Variants in GPR55 observed in about 807,000 individuals in gnomAD.
GPR55 encodes G-protein coupled receptor 55.
Under a neutral mutation model 7.9 loss-of-function variants are expected in GPR55, and 6 were observed. The observed-to-expected ratio is 0.76, with a 90% CI of 0.41 to 1.49. GPR55 has a LOEUF of 1.49. Ranked by LOEUF, GPR55 falls within the 40% of genes most tolerant of loss-of-function variation. The probability of loss-of-function intolerance (pLI) is 0.01; values close to 1 mark genes in which losing one functional copy is unlikely to be tolerated. For synonymous variants in GPR55, 183 were observed against 166.8 expected (o/e 1.10, Z -0.75); for missense variants, 376 against 406.0 (o/e 0.93, Z 0.63).
chr2:230,944,597 G>A lies in GPR55; in HGVS notation c.-135+16178C>T, dbSNP rs1167406942. Reference sequence around the variant, plus strand: ...CCCCGGAGAATGACTCAACAGTGACGTCCTACAGCATGATTTGCTTTAACT... The same window carrying A: ...CCCCGGAGAATGACTCAACAGTGACATCCTACAGCATGATTTGCTTTAACT... On this transcript the variant is annotated intron_variant, in intron 1 of 1. Transcript: ENST00000392039. This position sits in a 1 kb window ranked among gnomAD's most constrained non-coding sequence, Gnocchi z 4.2. Among the ~76,000 whole-genome samples, 9 of 152,316 alleles carry A rather than the reference G, an allele frequency of 5.9e-5. No individual in the cohort carries two copies. Among genetic ancestry groups the A allele is most frequent in the Non-Finnish European group, 1.3e-4 (9 of 68,034 alleles).
intron 1 of GPR55, among the ~76,000 whole-genome samples, chr2:230,942,517 G>A (rs1406019519): frequency 6.6e-6 from 1 of 152,234 alleles, no homozygotes. Context: ...GGTGTGGGGG[G>A]AGAGCGGCAG....
chr2:230,912,720 G>A (rs1222426992), intron 1 of GPR55, among the ~76,000 whole-genome samples: 23 of 152,240 alleles, frequency 1.5e-4, no homozygotes, highest in Admixed American at 1.4e-3. Flanking sequence ...GATTACAGGC[G>A]GGAGGCCCCG....
intron 1 of GPR55, among the ~76,000 whole-genome samples, chr2:230,912,820 C>T (rs1690624467): frequency 6.6e-6 from 1 of 152,174 alleles, no homozygotes; most frequent in Non-Finnish European, 1.5e-5. Flanking sequence ...TCCAGGCGCT[C>T]AATAAGATAT....
intron 1 of GPR55, among the ~76,000 whole-genome samples, chr2:230,947,725 C>T (rs2125068483): frequency 6.6e-6 from 1 of 152,134 alleles, no homozygotes; most frequent in East Asian, 1.9e-4. Context: ...TGGTCTCGAA[C>T]TCCTGGGCTC....
intron 1 of GPR55, among the ~76,000 whole-genome samples, chr2:230,922,303 G>A (rs902392010): frequency 2.0e-5 from 3 of 152,124 alleles, no homozygotes; most frequent in Non-Finnish European, 2.9e-5. Flanking sequence ...CTCTGCTTGG[G>A]GGTTTCCGTC....
intron 1 of GPR55, among the ~76,000 whole-genome samples, chr2:230,943,900 T>C (rs893713359): frequency 2.0e-5 from 3 of 152,244 alleles, no homozygotes; most frequent in African/African-American, 7.2e-5. Flanking sequence ...CCACACTTCA[T>C]ATAAAGTCTA....
At chr2:230,935,424 T>G (rs972499127) in intron 1 of GPR55, among the ~76,000 whole-genome samples, 1 of 152,060 alleles carries the variant, frequency 6.6e-6, no homozygotes, top group Admixed American at 6.6e-5. Flanking sequence ...GGGCCTTGAG[T>G]GAGTGACTTG....
chr2:230,910,128 C>A lies in GPR55; in HGVS notation c.835G>T (p.Val279Phe). 6.2e-7 allele frequency: 1 copy of A among 1,614,208 alleles called. No homozygotes were observed. Among genetic ancestry groups the A allele is most frequent in the South Asian group, 1.1e-5 (1 of 91,082 alleles). ...CAGAAAACATCCAGGCAGCAGTTGA[C>A]GTTGGAGAAACACATGGACAATTGC... ...FLQLSMCFSN[V>F]NCCLDVFCYY... Residue 279 changes from valine to phenylalanine, a missense_variant, in exon 2 of 2, where the codon GTC becomes TTC. Val to Phe is a conservative substitution (Grantham distance 50, BLOSUM62 -1). Coordinates refer to ENST00000650999, the MANE Select transcript of GPR55 (RefSeq NM_005683.4). This position sits in a 1 kb window ranked among gnomAD's most constrained non-coding sequence, Gnocchi z 5.4.
At chr2:230,955,548 T>C (rs1691468276) in intron 1 of GPR55, among the ~76,000 whole-genome samples, 1 of 152,240 alleles carries the variant, frequency 6.6e-6, no homozygotes, top group African/African-American at 2.4e-5. Context: ...ATTAGCAGTA[T>C]CACTACTCAA....
At chr2:230,932,815 A>G (rs552080459) in intron 1 of GPR55, among the ~76,000 whole-genome samples, 336 of 152,174 alleles carry the variant, frequency 2.2e-3, no homozygotes, top group Admixed American at 3.1e-3. Flanking sequence ...GACTGCCTCC[A>G]TCAGGGCCTC....
Position 230,910,289 on chromosome 2 carries a change from A to C in GPR55, c.674T>G (p.Ile225Ser), listed in dbSNP as rs1690555498. The part of the protein sequence containing the change: ...TQDWVQQKAC[I>S]YSIAASLAVF... ...AGCCAGGCTGGCTGCGATGCTGTAG[A>C]TGCAGGCTTTCTGCTGCACCCAGTC... Residue 225 changes from isoleucine (I) to serine (S), a missense_variant, in exon 2 of 2, where the codon ATC becomes AGC. Transcript: ENST00000650999. The surrounding 1 kb of genome is among the most constrained non-coding windows in gnomAD (Gnocchi z 5.4). 6.2e-7 allele frequency: 1 copy of C among 1,613,810 alleles called. No homozygotes were observed. The highest frequency in any genetic ancestry group is 1.7e-5 in the Admixed American group (1 of 59,998).
intron 1 of GPR55, among the ~76,000 whole-genome samples, chr2:230,946,491 A>G (rs542865141): frequency 6.6e-6 from 1 of 152,198 alleles, no homozygotes; most frequent in Non-Finnish European, 1.5e-5. Flanking sequence ...CACATATCCA[A>G]TTTTTGTCAC....
intron 1 of GPR55, among the ~76,000 whole-genome samples, chr2:230,916,780 T>C (rs768368119): frequency 1.3e-5 from 2 of 152,096 alleles, no homozygotes; most frequent in Non-Finnish European, 2.9e-5. Flanking sequence ...AAAAATATGA[T>C]GTCTACCTTC....
intron 1 of GPR55, among the ~76,000 whole-genome samples, chr2:230,958,634 A>G (rs1272487141): frequency 6.6e-6 from 1 of 152,116 alleles, no homozygotes; most frequent in Admixed American, 6.5e-5. Flanking sequence ...CCATTTTTAG[A>G]TCCTACAAGT....
At position 230,910,672 on chromosome 2, in the gene GPR55, C is replaced by T. The variant is rs1255144325; in HGVS notation, c.291G>A (p.Val97=). The change falls in exon 2 of 2, where the codon GTG becomes GTA. Residue 97 remains valine, a synonymous_variant. Transcript: ENST00000650999. This position sits in a 1 kb window ranked among gnomAD's most constrained non-coding sequence, Gnocchi z 5.4. ...ACATGCTGACGAAGTAAAGGCACTC[C>T]ACCAGGGTGCACAGGGACGGGAAGG... ...QSPFPSLCTL[V]ECLYFVSMYG... 1 of 1,612,836 alleles carries T rather than the reference C, an allele frequency of 6.2e-7. No homozygotes were observed. The highest frequency in any genetic ancestry group is 1.3e-5 in the African/African-American group (1 of 74,876).
chr2:230,956,174 T>G (rs1300049274), intron 1 of GPR55, among the ~76,000 whole-genome samples: 1 of 151,706 alleles, frequency 6.6e-6, no homozygotes, highest in African/African-American at 2.4e-5. Flanking sequence ...TTTATTTATT[T>G]ATTTATTTGA....
At chr2:230,927,621 C>G (rs912137842), upstream of GPR55, among the ~76,000 whole-genome samples, 2 of 152,240 alleles carry the variant, frequency 1.3e-5, no homozygotes, top group Non-Finnish European at 2.9e-5. Flanking sequence ...CAGGTCCCTG[C>G]CTGTCTTCCA....
intron 1 of GPR55, among the ~76,000 whole-genome samples, chr2:230,914,760 A>G (rs1298400377): frequency 6.6e-6 from 1 of 152,236 alleles, no homozygotes; most frequent in Admixed American, 6.5e-5. Flanking sequence ...GTCCACCCCA[A>G]TCAAGCAATG....
At position 230,910,476 on chromosome 2, in the gene GPR55, C is replaced by T. The variant is rs756679299; in HGVS notation, c.487G>A (p.Val163Met). 5.0e-6 allele frequency: 8 copies of T among 1,614,192 alleles called. No individual in the cohort carries two copies. The highest frequency in any genetic ancestry group is 6.8e-6 in the Non-Finnish European group (8 of 1,180,016). Residue 163 changes from valine to methionine, a missense_variant, in exon 2 of 2, where the codon GTG (valine) becomes ATG (methionine). Physicochemically the swap from Val to Met is conservative, Grantham distance 21. Transcript: ENST00000650999. The surrounding 1 kb of genome is among the most constrained non-coding windows in gnomAD (Gnocchi z 5.4). The stretch of plus-strand genomic sequence containing the variant: ...TTGTGGAAGCACATGTATTTTTCCA[C>T]TTTCCCATGGAAACTGTAGATAGGG... ...SIPIYSFHGK[V>M]EKYMCFHNMS...
Sources: gnomAD v4.1 joint callset for allele counts (sites outside exome capture counted in the v4.1 genomes callset) on GRCh38, gnomAD v4.1.1 for gene constraint, Gnocchi (gnomAD v3.1) non-coding constraint, MANE v1.5 for transcripts, NCBI Gene and HGNC (gene_info 2026-07-23, HGNC 2026-07-21) for gene names.